The following EEPD1 variants were observed in gnomAD, a reference collection of about 807,000 sequenced individuals.
The protein encoded by EEPD1 is endonuclease/exonuclease/phosphatase family domain containing 1, also known as endonuclease/exonuclease/phosphatase family domain-containing protein 1.
Under a neutral mutation model 46.3 loss-of-function variants are expected in EEPD1, and 17 were observed. That is an observed-to-expected ratio of 0.37 (90% CI 0.25 to 0.55). The LOEUF (loss-of-function observed/expected upper bound fraction) is 0.55, where lower values mean the gene tolerates loss of function less well. Among genes scored for constraint, EEPD1 ranks in the 20% least tolerant of loss-of-function variants. The probability of loss-of-function intolerance (pLI) is 0.83; values close to 1 mark genes in which losing one functional copy is unlikely to be tolerated. For missense variants in EEPD1, 673 were observed against 745.6 expected (o/e 0.90, Z 1.13); for synonymous variants, 313 against 315.6 (o/e 0.99, Z 0.09).
chr7:36,265,223 G>A (rs1318570264), intron 3 of EEPD1, among the ~76,000 whole-genome samples: 2 of 152,220 alleles, frequency 1.3e-5, no homozygotes, highest in Non-Finnish European at 2.9e-5. Flanking sequence ...AACAACTCTG[G>A]CTTCTTCACA....
intron 3 of EEPD1, among the ~76,000 whole-genome samples, chr7:36,276,084 T>G (rs912007045): frequency 6.6e-6 from 1 of 152,156 alleles, no homozygotes; most frequent in Non-Finnish European, 1.5e-5. Context: ...GACTCCATCT[T>G]GAATAGGGGC....
chr7:36,236,728 T>C (rs1314122115), intron 2 of EEPD1, among the ~76,000 whole-genome samples: 6 of 152,186 alleles, frequency 3.9e-5, no homozygotes, highest in African/African-American at 1.4e-4. Context: ...TCTGTCTAGC[T>C]AAAGGATTGT....
chr7:36,300,506 A>C lies in EEPD1; in HGVS notation c.*1300A>C, dbSNP rs1787603946. The C allele has an allele frequency of 6.6e-6, 1 of 152,256 alleles. No individual in the cohort carries two copies. Among genetic ancestry groups the C allele is most frequent in the Non-Finnish European group, 1.5e-5 (1 of 68,050 alleles). 9.4% of individuals were successfully genotyped at this position (152,256 alleles called of 1,614,324 possible). ...GCTTAACATGAATGGAAAAATATGA[A>C]AGTAAATAGTGAAAAGGTAAGTTAT... On this transcript the variant is annotated 3_prime_UTR_variant, in exon 8 of 8. Transcript: ENST00000242108.
At chr7:36,213,149 A>C (rs1345412244) in intron 2 of EEPD1, among the ~76,000 whole-genome samples, 1 of 152,060 alleles carries the variant, frequency 6.6e-6, no homozygotes, top group Non-Finnish European at 1.5e-5. Context: ...CAAGATTCCA[A>C]CTCCAAAAAA....
chr7:36,198,748 T>C (rs1189656593), intron 2 of EEPD1, among the ~76,000 whole-genome samples: 1 of 152,192 alleles, frequency 6.6e-6, no homozygotes, highest in Non-Finnish European at 1.5e-5. Context: ...TTCTGATTGA[T>C]CACTGCTTTG....
At chr7:36,181,482 C>G (rs2540662) in intron 2 of EEPD1, among the ~76,000 whole-genome samples, 5 of 152,064 alleles carry the variant, frequency 3.3e-5, no homozygotes. Context: ...CTAGCACAGC[C>G]TGACACCTAG....
chr7:36,195,066 G>T (rs1311548021), intron 2 of EEPD1, among the ~76,000 whole-genome samples: 1 of 152,174 alleles, frequency 6.6e-6, no homozygotes, highest in African/African-American at 2.4e-5. Flanking sequence ...TAGTGATCAG[G>T]TGTCATGGGT....
chr7:36,280,302 C>T (rs950744741), intron 3 of EEPD1, among the ~76,000 whole-genome samples: 4 of 151,992 alleles, frequency 2.6e-5, no homozygotes, highest in East Asian at 1.9e-4. Context: ...AGTCCTTAAG[C>T]GGAGAGAGTG....
chr7:36,155,074 C>A lies in EEPD1; in HGVS notation c.750C>A (p.Ala250=), dbSNP rs1025833028. Residue 250 remains alanine, a synonymous_variant, in exon 2 of 8, where the codon GCC becomes GCA. Coordinates refer to ENST00000242108, the MANE Select transcript of EEPD1 (RefSeq NM_030636.3). ...QIISTRPSVE[A]FGGTRDGRPV... The stretch of plus-strand genomic sequence containing the variant: ...TCTCCACTCGGCCGTCCGTGGAGGC[C>A]TTTGGAGGCACAAGGGATGGGAGGC... The A allele has an allele frequency of 3.8e-6, 6 of 1,591,064 alleles. No homozygotes were observed. The highest frequency in any genetic ancestry group is 4.3e-6 in the Non-Finnish European group (5 of 1,167,206).
intron 2 of EEPD1, among the ~76,000 whole-genome samples, chr7:36,198,415 C>CAAAAAAAAAAAAAAAAAA (rs70977116): frequency 1.1e-5 from 1 of 93,654 alleles, no homozygotes; most frequent in Non-Finnish European, 2.1e-5. Context: ...TTTAATAAAC[C>CAAAAAAAAAAAAAAAAAA]AAAAAAAAAA....
intron 2 of EEPD1, among the ~76,000 whole-genome samples, chr7:36,181,831 C>T (rs977250483): frequency 1.3e-5 from 2 of 152,136 alleles, no homozygotes; most frequent in African/African-American, 4.8e-5. Flanking sequence ...CTTTCTTCAA[C>T]TCTTTGTGTG....
chr7:36,197,148 C>CT (rs989162204), intron 2 of EEPD1, among the ~76,000 whole-genome samples: 1 of 150,950 alleles, frequency 6.6e-6, no homozygotes, highest in African/African-American at 2.4e-5. Flanking sequence ...ACCGCCCCGT[C>CT]TGAGAAGTGA....
chr7:36,281,585 C>A (rs537266438), intron 4 of EEPD1, among the ~76,000 whole-genome samples: 50 of 152,276 alleles, frequency 3.3e-4, no homozygotes, highest in African/African-American at 1.2e-3. Flanking sequence ...TTCAGATTCA[C>A]CTTAGTTCAC....
intron 3 of EEPD1, among the ~76,000 whole-genome samples, chr7:36,240,583 C>T (rs71537976): frequency 0.012 from 1,794 of 152,274 alleles, 17 homozygotes; most frequent in Non-Finnish European, 0.02. Flanking sequence ...GCCATGAAAA[C>T]ATAGTGGGTC....
chr7:36,181,184 C>T (rs4723489), intron 2 of EEPD1, among the ~76,000 whole-genome samples: 100,002 of 151,978 alleles, frequency 0.66, 33,894 homozygotes, highest in East Asian at 0.78. Context: ...CTCCTATCCA[C>T]GCGCTGTCTA....
At position 36,215,646 on chromosome 7, in the gene EEPD1, G is replaced by T. The variant is rs566588815; in HGVS notation, c.879-23339G>T. On this transcript the variant is annotated intron_variant, in intron 2 of 7. Coordinates refer to ENST00000242108, the MANE Select transcript of EEPD1 (RefSeq NM_030636.3). ...GGCACCATGTGTTGGGGCCATTGCT[G>T]CCTGGGATTTTTGTGCCAGTCTGTT... Among the ~76,000 whole-genome samples the T allele has an allele frequency of 1.6e-3, 251 of 152,354 alleles. 1 individual carries two copies. The highest frequency in any genetic ancestry group is 5.4e-3 in the African/African-American group (223 of 41,578).
chr7:36,272,451 T>A (rs2115852778), intron 3 of EEPD1, among the ~76,000 whole-genome samples: 2 of 152,020 alleles, frequency 1.3e-5, no homozygotes, highest in South Asian at 4.2e-4. Flanking sequence ...TGCCACTGCA[T>A]CTTGCTCTCA....
intron 3 of EEPD1, among the ~76,000 whole-genome samples, chr7:36,270,576 G>A (rs1036662916): frequency 6.6e-6 from 1 of 152,142 alleles, no homozygotes; most frequent in Non-Finnish European, 1.5e-5. Flanking sequence ...CTGTTCCTGT[G>A]TTAGTTTGCT....
At chr7:36,189,499 T>C (rs1017636343) in intron 2 of EEPD1, among the ~76,000 whole-genome samples, 4 of 152,244 alleles carry the variant, frequency 2.6e-5, no homozygotes, top group African/African-American at 9.6e-5. Context: ...TTTTGTGAAG[T>C]TCTTTGACCA....
Sources: allele counts gnomAD v4.1 joint callset (sites outside exome capture counted in the v4.1 genomes callset), GRCh38; gene constraint gnomAD v4.1.1; transcripts MANE v1.5; gene names NCBI Gene and HGNC (gene_info 2026-07-23, HGNC 2026-07-21).